EGFLAM: variants seen among roughly 807,000 people sequenced by gnomAD.
The protein encoded by EGFLAM is pikachurin.
Under a neutral mutation model 113.1 loss-of-function variants are expected in EGFLAM, and 79 were observed. That is an observed-to-expected ratio of 0.70 (90% confidence interval 0.58 to 0.84). The LOEUF is 0.84. Among genes scored for constraint, EGFLAM ranks in the 40% least tolerant of loss-of-function variants. The pLI, the probability that EGFLAM is intolerant of heterozygous loss-of-function variation, is 0.00. For missense variants in EGFLAM, 1,265 were observed against 1,291.6 expected (o/e 0.98, Z 0.32); for synonymous variants, 504 against 487.6 (o/e 1.03, Z -0.44).
chr5:38,430,328 C>T (rs1037266525), intron 14 of EGFLAM, among the ~76,000 whole-genome samples: 1 of 152,166 alleles, frequency 6.6e-6, no homozygotes, highest in Non-Finnish European at 1.5e-5. Flanking sequence ...CATATTTTAT[C>T]TTCATGCCAC....
chr5:38,412,752 G>A (rs983931092), intron 11 of EGFLAM, 104 bp downstream of exon 11: 2 of 1,467,144 alleles, frequency 1.4e-6, no homozygotes, highest in African/African-American at 2.8e-5. Context: ...CAGGATTCAA[G>A]TTCTGGATGG....
At chr5:38,311,348 C>T (rs1170113494) in intron 1 of EGFLAM, among the ~76,000 whole-genome samples, 1 of 152,116 alleles carries the variant, frequency 6.6e-6, no homozygotes, top group African/African-American at 2.4e-5. Flanking sequence ...CCAGCATCTC[C>T]CCAGTCCCCC....
In EGFLAM at chr5:38,274,767, A is replaced by G. The variant is rs538931323; in HGVS notation, c.97+15916A>G. 3.3e-5 allele frequency among the ~76,000 whole-genome samples: 5 copies of G among 152,324 alleles called. No individual in the cohort carries two copies. In the South Asian group the frequency reaches 1.0e-3, roughly 32 times the overall value. ...TAATAAAAAAAATCTGAAAGTATAA[A>G]ACTGAATGGTAAAAGTAAGTACACA... On this transcript the variant is annotated intron_variant, in intron 1 of 21. Transcript: ENST00000322350.
At chr5:38,285,374 A>G (rs1758131770) in intron 1 of EGFLAM, among the ~76,000 whole-genome samples, 1 of 152,216 alleles carries the variant, frequency 6.6e-6, no homozygotes, top group Non-Finnish European at 1.5e-5. Context: ...CATCTACAAA[A>G]TAAAAAATCA....
chr5:38,316,624 G>T (rs563032469), intron 1 of EGFLAM, among the ~76,000 whole-genome samples: 1 of 152,104 alleles, frequency 6.6e-6, no homozygotes, highest in Non-Finnish European at 1.5e-5. Flanking sequence ...GGCAATTTTT[G>T]TTAAAGATTC....
At chr5:38,300,606 T>C (rs960588748) in intron 1 of EGFLAM, among the ~76,000 whole-genome samples, 2 of 152,168 alleles carry the variant, frequency 1.3e-5, no homozygotes, top group African/African-American at 4.8e-5. Context: ...GAACTACTGA[T>C]ATAAAGTGAT....
At chr5:38,291,803 A>C (rs962113222) in intron 1 of EGFLAM, among the ~76,000 whole-genome samples, 2 of 152,248 alleles carry the variant, frequency 1.3e-5, no homozygotes, top group Non-Finnish European at 2.9e-5. Flanking sequence ...CCTGGTATTC[A>C]GAGTTGCACT....
At chr5:38,438,122 CAAAA>C (rs376621912) in intron 16 of EGFLAM, among the ~76,000 whole-genome samples, 149 bp from the exon 17 acceptor site, 2 of 97,376 alleles carry the variant, frequency 2.1e-5, no homozygotes, top group Non-Finnish European at 2.3e-5. Context: ...ACTCCATCTC[CAAAA>C]AAAAAAAAAA....
chr5:38,348,220 G>A (rs1399240440), intron 3 of EGFLAM, among the ~76,000 whole-genome samples: 1 of 152,142 alleles, frequency 6.6e-6, no homozygotes, highest in Non-Finnish European at 1.5e-5. Context: ...TGGAGACCAG[G>A]AGGCAGGCCA....
Position 38,350,360 on chromosome 5 carries a change from G to C in EGFLAM, c.292-141G>C, listed in dbSNP as rs111953584. ...TTTTTCTTGGCAAAGTTTAAAACTG[G>C]GCCAGTCCTAGACAAAGCAAAACAT... On this transcript the variant is annotated intron_variant, in intron 3 of 21. Coordinates refer to ENST00000322350, the MANE Select transcript of EGFLAM (RefSeq NM_152403.4). 6.2e-3 allele frequency: 4,711 copies of C among 757,566 alleles called. 21 individuals carry two copies. The highest frequency in any genetic ancestry group is 8.0e-3 in the Non-Finnish European group (3,763 of 468,312). 46.9% of individuals were successfully genotyped at this position (757,566 alleles called of 1,614,324 possible). A position where few individuals can be genotyped will look rare whatever the true frequency, so the allele number is the denominator to read the frequency against.
intron 6 of EGFLAM, among the ~76,000 whole-genome samples, chr5:38,388,741 C>T (rs1378275211): frequency 6.9e-6 from 1 of 144,558 alleles, no homozygotes; most frequent in African/African-American, 2.6e-5. Flanking sequence ...GCCTGGGCAA[C>T]AGAGTGAGAC....
intron 19 of EGFLAM, among the ~76,000 whole-genome samples, chr5:38,453,508 C>T (rs1237076902): frequency 3.9e-5 from 6 of 152,126 alleles, no homozygotes; most frequent in African/African-American, 1.4e-4. Flanking sequence ...TGCTAAGTGA[C>T]TCCATCTTAT....
intron 19 of EGFLAM, among the ~76,000 whole-genome samples, chr5:38,456,591 C>A (rs1411297524): frequency 6.6e-6 from 1 of 152,178 alleles, no homozygotes; most frequent in Admixed American, 6.5e-5. Context: ...TGTCAAGTCA[C>A]CCCAAGTCCT....
At chr5:38,334,728 G>T (rs189344940) in intron 1 of EGFLAM, among the ~76,000 whole-genome samples, 4 of 152,268 alleles carry the variant, frequency 2.6e-5, no homozygotes, top group Admixed American at 2.6e-4. Context: ...TTAAAAAGTG[G>T]TAGTAGTAAG....
At chr5:38,263,034 A>G (rs1404089329) in intron 1 of EGFLAM, among the ~76,000 whole-genome samples, 1 of 152,214 alleles carries the variant, frequency 6.6e-6, no homozygotes, top group Non-Finnish European at 1.5e-5. Flanking sequence ...TCTAATAAGC[A>G]TGTAATAGTA....
chr5:38,442,477 A>T (rs1391654424), intron 17 of EGFLAM, among the ~76,000 whole-genome samples: 1 of 150,512 alleles, frequency 6.6e-6, no homozygotes, highest in Non-Finnish European at 1.5e-5. Flanking sequence ...AGTCATTTCA[A>T]ATTAATTGGA....
At chr5:38,315,005 A>T (rs1738553977) in intron 1 of EGFLAM, among the ~76,000 whole-genome samples, 1 of 152,226 alleles carries the variant, frequency 6.6e-6, no homozygotes, top group Non-Finnish European at 1.5e-5. Context: ...ATTTGCTATA[A>T]TAGCCAACCT....
chr5:38,277,540 T>C (rs1275734585), intron 1 of EGFLAM, among the ~76,000 whole-genome samples: 1 of 152,110 alleles, frequency 6.6e-6, no homozygotes, highest in African/African-American at 2.4e-5. Context: ...TATTAAACAT[T>C]GTACTAGAAG....
In EGFLAM at chr5:38,445,837, G is replaced by T. The variant is rs1029346430; in HGVS notation, c.2465-2464G>T. On this transcript the variant is annotated intron_variant, in intron 17 of 21. Coordinates refer to ENST00000322350, the MANE Select transcript of EGFLAM (RefSeq NM_152403.4). Reference sequence around the variant, plus strand: ...CGCGTGGTGGGAAGCCTCCCCGCCGGCCAGCCAGAGGACACTTCTCTCCTG... The same window carrying T: ...CGCGTGGTGGGAAGCCTCCCCGCCGTCCAGCCAGAGGACACTTCTCTCCTG... 17 of 957,582 alleles carry T rather than the reference G, an allele frequency of 1.8e-5. No individual in the cohort carries two copies. The African/African-American group carries it at 2.7e-4, about 15-fold the overall frequency. The allele number at this position is 957,582 out of a possible 1,614,324, so 59.3% of individuals were successfully genotyped here. A position where few individuals can be genotyped will look rare whatever the true frequency, so the allele number is the denominator to read the frequency against.
Sources: allele counts gnomAD v4.1 joint callset (sites outside exome capture counted in the v4.1 genomes callset), GRCh38; gene constraint gnomAD v4.1.1; transcripts MANE v1.5; gene names NCBI Gene and HGNC (gene_info 2026-07-23, HGNC 2026-07-21).